The following LEPR variants were observed in gnomAD, a reference collection of about 807,000 sequenced individuals.
LEPR encodes leptin receptor.
In LEPR, 56 loss-of-function variants were observed where a neutral mutation model predicts 114.7. That is an observed-to-expected ratio of 0.49 (90% CI 0.39 to 0.61). LEPR has a LOEUF of 0.61. Ranked by LOEUF, LEPR falls within the 20% of genes least tolerant of loss-of-function variation. The pLI is 0.00. For missense variants in LEPR, 1,202 were observed against 1,352.9 expected (o/e 0.89, Z 1.75); for synonymous variants, 443 against 461.4 (o/e 0.96, Z 0.51).
chr1:65,554,762 A>G (rs1445722953), intron 2 of LEPR, among the ~76,000 whole-genome samples: 1 of 151,934 alleles, frequency 6.6e-6, no homozygotes, highest in Non-Finnish European at 1.5e-5. Flanking sequence ...GGGTATGAAA[A>G]AAAAAACTCC....
At chr1:65,610,143 A>G (rs576423035) in intron 13 of LEPR, 37 bp downstream of exon 13, 22 of 1,614,178 alleles carry the variant, frequency 1.4e-5, no homozygotes, top group Admixed American at 6.7e-5. Context: ...TTGAAAGTGC[A>G]TAAGTGTGTG....
At chr1:65,618,355 T>A (rs1415450908) in intron 16 of LEPR, among the ~76,000 whole-genome samples, 1 of 151,784 alleles carries the variant, frequency 6.6e-6, no homozygotes, top group Non-Finnish European at 1.5e-5. Flanking sequence ...CGGCAGGGTC[T>A]CTCTGTGTTG....
intron 2 of LEPR, among the ~76,000 whole-genome samples, chr1:65,488,202 T>TTC (rs769414451): frequency 0.078 from 2,276 of 29,032 alleles, 142 homozygotes; most frequent in Middle Eastern, 0.19. Flanking sequence ...CTTTCTTTCT[T>TTC]TCTTTCTTTC....
At chr1:65,522,877 AG>A (rs1398956971) in intron 2 of LEPR, among the ~76,000 whole-genome samples, 1 of 151,012 alleles carries the variant, frequency 6.6e-6, no homozygotes, top group Non-Finnish European at 1.5e-5. Context: ...ATACTGAATG[AG>A]TCAGGGTGCT....
In LEPR at chr1:65,604,739, C is replaced by T. The variant is rs12097855; in HGVS notation, c.1404-299C>T. 0.17 allele frequency among the ~76,000 whole-genome samples: 26,583 copies of T among 152,184 alleles called. 2,476 individuals are homozygous for T. The highest frequency in any genetic ancestry group is 0.24 in the Middle Eastern group (72 of 294). On this transcript the variant is annotated intron_variant, in intron 10 of 19. Transcript: ENST00000349533. Reference sequence around the variant, plus strand: ...AGAGAGCAGCATTACCACCTGCGCTCCACCTCCTGTCAGATCAGCGCAGCA... The same window carrying T: ...AGAGAGCAGCATTACCACCTGCGCTTCACCTCCTGTCAGATCAGCGCAGCA...
chr1:65,498,992 T>A (rs917283791), intron 2 of LEPR, among the ~76,000 whole-genome samples: 21 of 152,094 alleles, frequency 1.4e-4, no homozygotes, highest in African/African-American at 4.8e-4. Context: ...TCTGGTTCAT[T>A]CATGTATGTC....
At chr1:65,523,939 A>T (rs1450331764) in intron 2 of LEPR, among the ~76,000 whole-genome samples, 2 of 152,220 alleles carry the variant, frequency 1.3e-5, no homozygotes, top group Non-Finnish European at 2.9e-5. Context: ...AGAAGAGAAG[A>T]GGGCACAGAC....
At chr1:65,550,127 G>A (rs1418452106) in intron 2 of LEPR, among the ~76,000 whole-genome samples, 4 of 152,170 alleles carry the variant, frequency 2.6e-5, no homozygotes, top group South Asian at 2.1e-4. Flanking sequence ...GCAGAACCGC[G>A]GATTTTCGTG....
intron 5 of LEPR, among the ~76,000 whole-genome samples, chr1:65,584,708 T>C (rs1416233188): frequency 6.6e-6 from 1 of 152,146 alleles, no homozygotes; most frequent in African/African-American, 2.4e-5. Context: ...TTACTAAGGC[T>C]AATGGGTACA....
intron 9 of LEPR, 62 bp from the exon 10 acceptor site, chr1:65,601,781 T>A: frequency 1.3e-6 from 2 of 1,583,532 alleles, no homozygotes; most frequent in Non-Finnish European, 1.7e-6. Flanking sequence ...AAGAAAAAAT[T>A]TTTTTCATTG....
intron 2 of LEPR, chr1:65,434,893 AG>A: frequency 8.1e-6 from 8 of 985,494 alleles, no homozygotes; most frequent in Non-Finnish European, 9.6e-6. Context: ...CTGAGAAGAA[AG>A]CAGATCACAC....
rs150605826 is a variant in LEPR, at chr1:65,598,685, C to A, written c.875C>A (p.Ser292Tyr). Residue 292 changes from serine (S) to tyrosine (Y), a missense_variant, in exon 8 of 20, where the codon TCC (serine) becomes TAC (tyrosine). Transcript: ENST00000349533. The part of the protein sequence containing the change: ...READKIVSAT[S>Y]LLVDSILPGS... ...GCTGACAAGATTGTCTCAGCTACAT[C>A]CCTGCTAGTAGACAGTATACTTCCT... is the stretch of plus-strand genomic sequence containing the variant. 5.2e-5 allele frequency: 84 copies of A among 1,613,278 alleles called. No individual in the cohort carries two copies. Among genetic ancestry groups the A allele is most frequent in the Admixed American group, 2.0e-4 (12 of 59,920 alleles).
intron 2 of LEPR, among the ~76,000 whole-genome samples, chr1:65,461,375 C>CT (rs1646943974): frequency 6.6e-6 from 1 of 151,906 alleles, no homozygotes; most frequent in African/African-American, 2.4e-5. Context: ...AAACATAGGC[C>CT]TAAGGTACCA....
At chr1:65,620,579 G>A (rs1570838072) in intron 17 of LEPR, among the ~76,000 whole-genome samples, 2 of 152,098 alleles carry the variant, frequency 1.3e-5, no homozygotes, top group East Asian at 3.9e-4. Flanking sequence ...TAAAGGGATG[G>A]CATTAAATGT....
At chr1:65,461,496 G>A (rs1019377383) in intron 2 of LEPR, among the ~76,000 whole-genome samples, 1 of 152,166 alleles carries the variant, frequency 6.6e-6, no homozygotes, top group Non-Finnish European at 1.5e-5. Flanking sequence ...AAAAACTTGA[G>A]CAACAAAGTC....
At position 65,564,775 on chromosome 1, in the gene LEPR, C is replaced by G. The variant is rs543835479; in HGVS notation, c.-20-771C>G. Among the ~76,000 whole-genome samples, 89 of 152,302 alleles carry G rather than the reference C, an allele frequency of 5.8e-4. 1 individual carries two copies. The highest frequency in any genetic ancestry group is 1.2e-3 in the Admixed American group (18 of 15,300). On this transcript the variant is annotated intron_variant, in intron 2 of 19. Transcript: ENST00000349533. Reference sequence around the variant, plus strand: ...CAGCTGATTACCGGAAGAGCTTAGCCTGGCACCCAACACTCCTGATGCCTA... The same window carrying G: ...CAGCTGATTACCGGAAGAGCTTAGCGTGGCACCCAACACTCCTGATGCCTA...
intron 2 of LEPR, chr1:65,435,244 C>T: frequency 2.0e-6 from 2 of 985,000 alleles, no homozygotes; most frequent in Non-Finnish European, 2.4e-6. Flanking sequence ...GAAGTCCTTA[C>T]CTCTGAGGTA....
chr1:65,601,780 T>A (rs1207498071), intron 9 of LEPR, 63 bp from the exon 10 acceptor site: 62 of 1,582,264 alleles, frequency 3.9e-5, no homozygotes, highest in Non-Finnish European at 5.1e-5. Context: ...TAAGAAAAAA[T>A]TTTTTTCATT....
At chr1:65,630,887 T>C (rs1489675328) in intron 19 of LEPR, among the ~76,000 whole-genome samples, 2 of 152,222 alleles carry the variant, frequency 1.3e-5, no homozygotes, top group Non-Finnish European at 2.9e-5. Context: ...TTTTGTTCTT[T>C]TATTTTAAAA....
Sources: gnomAD v4.1 joint callset for allele counts (sites outside exome capture counted in the v4.1 genomes callset) on GRCh38, gnomAD v4.1.1 for gene constraint, MANE v1.5 for transcripts, NCBI Gene and HGNC (gene_info 2026-07-23, HGNC 2026-07-21) for gene names.